The following BRINP1 variants were observed in gnomAD, a reference collection of about 807,000 sequenced individuals.
The protein encoded by BRINP1 is BMP/retinoic acid inducible neural specific 1.
A neutral mutation model predicts 72.9 loss-of-function variants in BRINP1; 17 were observed. That is an observed-to-expected ratio of 0.23 (90% CI 0.16 to 0.35). BRINP1 has a LOEUF of 0.35. Ranked by LOEUF, BRINP1 falls within the 10% of genes least tolerant of loss-of-function variation. The probability of loss-of-function intolerance (pLI) is 1.00; values close to 1 mark genes in which losing one functional copy is unlikely to be tolerated. For synonymous variants in BRINP1, 418 were observed against 378.5 expected, an observed-to-expected ratio of 1.10 and a Z score of -1.21; for missense variants, 850 against 1,001.6, an observed-to-expected ratio of 0.85 and a Z score of 2.04.
chr9:119,305,051 T>C (rs1354851204), intron 2 of BRINP1, among the ~76,000 whole-genome samples: 2 of 152,208 alleles, frequency 1.3e-5, no homozygotes, highest in Non-Finnish European at 2.9e-5. Context: ...ATGGTACAAT[T>C]TTCCTCTGAA....
rs1313471674 is a variant in BRINP1, at chr9:119,222,344, T to G, written c.686-8189A>C. ...ATAGCCAAATTGACCTGCAGTCTATTTTTATAAACAAATTTTACTGGAACA... is the reference window on the plus strand; with the variant it reads ...ATAGCCAAATTGACCTGCAGTCTATGTTTATAAACAAATTTTACTGGAACA... On this transcript the variant is annotated intron_variant, in intron 5 of 7. Transcript: ENST00000265922. Among the ~76,000 whole-genome samples the G allele has an allele frequency of 2.0e-5, 3 of 152,146 alleles. No individual in the cohort carries two copies. In the East Asian group the frequency reaches 5.8e-4, roughly 29 times the overall value.
At chr9:119,320,890 T>C (rs1411296490) in intron 1 of BRINP1, among the ~76,000 whole-genome samples, 1 of 152,022 alleles carries the variant, frequency 6.6e-6, no homozygotes, top group Non-Finnish European at 1.5e-5. Context: ...TTTACACATG[T>C]GACCCATAGA....
At chr9:119,354,665 G>C (rs1244230623) in intron 1 of BRINP1, among the ~76,000 whole-genome samples, 2 of 151,390 alleles carry the variant, frequency 1.3e-5, no homozygotes, top group East Asian at 3.9e-4. Context: ...TTCAAGACCA[G>C]CCTGGGCAAC....
chr9:119,361,473 G>A (rs1251017767), intron 1 of BRINP1, among the ~76,000 whole-genome samples: 2 of 152,106 alleles, frequency 1.3e-5, no homozygotes, highest in Admixed American at 6.5e-5. Context: ...ACACTGTCTC[G>A]AAACACAGTC....
chr9:119,313,417 A>G lies in BRINP1; in HGVS notation c.-50-12T>C. The G allele has an allele frequency of 6.5e-7, 1 of 1,539,472 alleles. No individual in the cohort carries two copies. Among genetic ancestry groups the G allele is most frequent in the South Asian group, 1.2e-5 (1 of 80,318 alleles). On this transcript the variant is annotated splice_polypyrimidine_tract_variant and intron_variant, in intron 1 of 7. Coordinates refer to ENST00000265922, the MANE Select transcript of BRINP1 (RefSeq NM_014618.3). ...CATTCTGTGGAGTCCTATAGAAGAA[A>G]GAATAAAAAAGAGAGAGAAAAAAAG...
At chr9:119,214,204 G>A (rs1829956820) in intron 5 of BRINP1, 49 bp from the exon 6 acceptor site, 2 of 1,403,426 alleles carry the variant, frequency 1.4e-6, no homozygotes, top group Non-Finnish European at 2.0e-6. Context: ...AAAAAAAGGT[G>A]TTTCATTAAC....
intron 7 of BRINP1, among the ~76,000 whole-genome samples, chr9:119,171,696 A>G (rs1201077092): frequency 1.9e-5 from 2 of 107,534 alleles, no homozygotes; most frequent in African/African-American, 8.0e-5. Flanking sequence ...TCAGCACCAC[A>G]CCACACCTAT....
chr9:119,255,970 A>C lies in BRINP1; in HGVS notation c.219-6820T>G, dbSNP rs1207057195. Among the ~76,000 whole-genome samples the C allele has an allele frequency of 2.7e-5, 4 of 150,864 alleles. 1 individual carries two copies. The highest frequency in any genetic ancestry group is 4.2e-4 in the South Asian group (2 of 4,786). ...ACTCCAGCTCAAAAAAAAAAAAAAA[A>C]AAAAAAAAAAAAACACGAGACAGGA... is the stretch of plus-strand genomic sequence containing the variant. On this transcript the variant is annotated intron_variant, in intron 2 of 7. Transcript: ENST00000265922.
chr9:119,316,182 G>A (rs1290355038), intron 1 of BRINP1, among the ~76,000 whole-genome samples: 1 of 152,160 alleles, frequency 6.6e-6, no homozygotes, highest in Non-Finnish European at 1.5e-5. Context: ...CACCTCCCGG[G>A]TTCAAGCAAT....
chr9:119,176,752 A>ACTCT (rs1829494608), intron 7 of BRINP1, among the ~76,000 whole-genome samples: 1 of 152,046 alleles, frequency 6.6e-6, no homozygotes, highest in Admixed American at 6.5e-5. Flanking sequence ...GTATTGAGAC[A>ACTCT]CTCTCGGGGA....
intron 7 of BRINP1, among the ~76,000 whole-genome samples, chr9:119,190,158 G>A (rs1298282694): frequency 6.6e-6 from 1 of 151,640 alleles, no homozygotes; most frequent in Admixed American, 6.6e-5. Context: ...AAAACCTATA[G>A]GATGCATCAA....
intron 5 of BRINP1, among the ~76,000 whole-genome samples, chr9:119,214,587 T>TAAAA (rs57097317): frequency 2.4e-4 from 35 of 144,082 alleles, no homozygotes; most frequent in African/African-American, 7.5e-4. Context: ...CCTGTAGAGA[T>TAAAA]AAAAAAAAAA....
chr9:119,325,804 C>A (rs1185494881), intron 1 of BRINP1, among the ~76,000 whole-genome samples: 7 of 152,302 alleles, frequency 4.6e-5, no homozygotes, highest in East Asian at 3.9e-4. Context: ...TTGCCTTCAA[C>A]AATAAGCTGA....
chr9:119,365,776 A>G (rs1831684486), intron 1 of BRINP1, among the ~76,000 whole-genome samples: 1 of 152,228 alleles, frequency 6.6e-6, no homozygotes, highest in South Asian at 2.1e-4. Flanking sequence ...TCTAAACTCA[A>G]CGGGGGCCCA....
At chr9:119,260,880 A>G (rs891855735) in intron 2 of BRINP1, among the ~76,000 whole-genome samples, 3 of 152,220 alleles carry the variant, frequency 2.0e-5, no homozygotes, top group Admixed American at 1.3e-4. Flanking sequence ...TTACCAAAGC[A>G]TCATAAGAAG....
chr9:119,235,870 C>T (rs1402703014), intron 5 of BRINP1, among the ~76,000 whole-genome samples: 2 of 152,188 alleles, frequency 1.3e-5, no homozygotes, highest in African/African-American at 4.8e-5. Flanking sequence ...CTTAAATAAT[C>T]TCTATAACAT....
rs1831716077 is a variant in BRINP1, at chr9:119,368,206, C to A, written c.-51+850G>T. 6.6e-6 allele frequency among the ~76,000 whole-genome samples: 1 copy of A among 152,180 alleles called. No individual in the cohort carries two copies. Among genetic ancestry groups the A allele is most frequent in the Non-Finnish European group, 1.5e-5 (1 of 68,028 alleles). ...TTGCAAACGGGGATGCAGGGTAAAT[C>A]CCTATCCCAGACTTTCCAAGCCCCA... On this transcript the variant is annotated intron_variant, in intron 1 of 7. Coordinates refer to ENST00000265922, the MANE Select transcript of BRINP1 (RefSeq NM_014618.3). The surrounding 1 kb of genome is among the most constrained non-coding windows in gnomAD (Gnocchi z 4.7).
chr9:119,206,056 G>A (rs1388655802), intron 7 of BRINP1, among the ~76,000 whole-genome samples: 3 of 152,062 alleles, frequency 2.0e-5, no homozygotes, highest in African/African-American at 7.2e-5. Context: ...TCTTTAAAGT[G>A]GTAATTAAGT....
chr9:119,334,601 A>G (rs907970677), intron 1 of BRINP1, among the ~76,000 whole-genome samples: 14 of 152,238 alleles, frequency 9.2e-5, no homozygotes, highest in Admixed American at 7.9e-4. Context: ...CTACTACTAT[A>G]GAGGCAAGAC....
Sources: gnomAD v4.1 joint callset for allele counts (sites outside exome capture counted in the v4.1 genomes callset) on GRCh38, gnomAD v4.1.1 for gene constraint, Gnocchi (gnomAD v3.1) non-coding constraint, MANE v1.5 for transcripts, NCBI Gene and HGNC (gene_info 2026-07-23, HGNC 2026-07-21) for gene names.